CCDC91: variants seen among roughly 807,000 people sequenced by gnomAD.
CCDC91 encodes the protein coiled-coil domain-containing protein 91.
A neutral mutation model predicts 63.2 loss-of-function variants in CCDC91; 48 were observed. That is an observed-to-expected ratio of 0.76 (90% CI 0.60 to 0.97). CCDC91 has a LOEUF of 0.97. Ranked by LOEUF, CCDC91 falls within the 50% of genes least tolerant of loss-of-function variation. CCDC91 has a pLI of 0.00. For synonymous variants in CCDC91, 167 were observed against 165.8 expected, an observed-to-expected ratio of 1.01 and a Z score of -0.06; for missense variants, 500 against 494.6, an observed-to-expected ratio of 1.01 and a Z score of -0.10.
At chr12:28,226,654 T>C (rs1389766890) in intron 1 of CCDC91, among the ~76,000 whole-genome samples, 2 of 152,196 alleles carry the variant, frequency 1.3e-5, no homozygotes, top group African/African-American at 2.4e-5. Flanking sequence ...ATTGTACATT[T>C]GTTTAAATGA....
In CCDC91 at chr12:28,222,795, G is replaced by A. The variant is rs546551746; in HGVS notation, c.-15+32154G>A. Among the ~76,000 whole-genome samples, 4 of 152,050 alleles carry A rather than the reference G, an allele frequency of 2.6e-5. No individual in the cohort carries two copies. In the South Asian group the frequency reaches 8.3e-4, roughly 32 times the overall value. The stretch of plus-strand genomic sequence containing the variant: ...CATCCTTGGCATTATTATCCTTTTC[G>A]TTGTGTTGGAACTATATAAGATAGC... On this transcript the variant is annotated intron_variant, in intron 1 of 12. Transcript: ENST00000536442.
chr12:28,338,438 T>G (rs1406452484), intron 6 of CCDC91, among the ~76,000 whole-genome samples: 2 of 151,864 alleles, frequency 1.3e-5, no homozygotes, highest in Non-Finnish European at 2.9e-5. Flanking sequence ...AGTGTGTGTG[T>G]GGGTAGAGAA....
At chr12:28,337,579 T>C (rs927933989) in intron 6 of CCDC91, among the ~76,000 whole-genome samples, 1 of 152,016 alleles carries the variant, frequency 6.6e-6, no homozygotes, top group Non-Finnish European at 1.5e-5. Context: ...GGAATTATCA[T>C]AGGATGGAAA....
intron 8 of CCDC91, among the ~76,000 whole-genome samples, chr12:28,439,660 A>T (rs1008967330): frequency 1.3e-5 from 2 of 151,906 alleles, no homozygotes; most frequent in African/African-American, 4.8e-5. Flanking sequence ...TGTGATTGTG[A>T]TTAAATTTGT....
intron 1 of CCDC91, among the ~76,000 whole-genome samples, chr12:28,245,420 A>G (rs1945663730): frequency 6.6e-6 from 1 of 152,182 alleles, no homozygotes; most frequent in Admixed American, 6.5e-5. Context: ...CTTGTAGTAA[A>G]TAAAGGTATA....
chr12:28,241,682 G>A (rs1458910794), intron 1 of CCDC91, among the ~76,000 whole-genome samples: 1 of 152,064 alleles, frequency 6.6e-6, no homozygotes, highest in East Asian at 1.9e-4. Flanking sequence ...CATGTTACTA[G>A]AAGAGGAATT....
At chr12:28,494,719 T>C (rs1952189363) in intron 12 of CCDC91, among the ~76,000 whole-genome samples, 1 of 151,736 alleles carries the variant, frequency 6.6e-6, no homozygotes, top group Non-Finnish European at 1.5e-5. Context: ...ATTGTACCTG[T>C]CATATAAACA....
intron 7 of CCDC91, among the ~76,000 whole-genome samples, chr12:28,390,713 G>T (rs1342800469): frequency 6.6e-6 from 1 of 152,022 alleles, no homozygotes; most frequent in Non-Finnish European, 1.5e-5. Flanking sequence ...TGAGACTCTT[G>T]ACTTACCTAC....
intron 12 of CCDC91, among the ~76,000 whole-genome samples, chr12:28,485,705 C>G: frequency 6.6e-6 from 1 of 152,132 alleles, no homozygotes; most frequent in East Asian, 1.9e-4. Flanking sequence ...CTGATAGATG[C>G]CTAACCTTCT....
At chr12:28,203,761 A>G (rs1292913616) in intron 1 of CCDC91, among the ~76,000 whole-genome samples, 3 of 152,244 alleles carry the variant, frequency 2.0e-5, no homozygotes, top group Non-Finnish European at 4.4e-5. Flanking sequence ...GCAGACATAG[A>G]ACATTATTAG....
chr12:28,519,885 CA>C (rs1940415028), intron 12 of CCDC91, among the ~76,000 whole-genome samples: 1 of 152,024 alleles, frequency 6.6e-6, no homozygotes, highest in Admixed American at 6.6e-5. Flanking sequence ...CATGTCCCAA[CA>C]AAGGACATGA....
chr12:28,343,316 G>T (rs958145292), intron 6 of CCDC91, among the ~76,000 whole-genome samples: 1 of 151,720 alleles, frequency 6.6e-6, no homozygotes, highest in East Asian at 1.9e-4. Context: ...ATATGTGCAA[G>T]CACACATATT....
intron 8 of CCDC91, among the ~76,000 whole-genome samples, chr12:28,394,275 G>T (rs530066220): frequency 6.6e-6 from 1 of 152,190 alleles, no homozygotes; most frequent in African/African-American, 2.4e-5. Context: ...GACCATCCTG[G>T]CTAACAGGGT....
rs185746095 is a variant in CCDC91, at chr12:28,245,076, T to C, written c.-14-12126T>C. ...TTTGAGACATCTTTAGGGGTATTTA[T>C]AGAATGTTATCAGTAGTCCTTTTAG... On this transcript the variant is annotated intron_variant, in intron 1 of 12. Transcript: ENST00000536442. 3.0e-4 allele frequency among the ~76,000 whole-genome samples: 45 copies of C among 152,242 alleles called. No homozygotes were observed. The East Asian group carries it at 8.7e-3, about 29-fold the overall frequency.
chr12:28,306,881 A>C lies in CCDC91; in HGVS notation c.407A>C (p.Gln136Pro). ...GANVSNIQLQ[Q>P]KISSLEIKLK... The stretch of plus-strand genomic sequence containing the variant: ...AATGTATCTAACATACAGCTTCAGC[A>C]AAAAATTTCAAGTCTGGAGATTAAA... The change falls in exon 5 of 13, where the codon CAA becomes CCA. Residue 136 changes from glutamine (Q) to proline (P), a missense_variant. Transcript: ENST00000536442. The C allele has an allele frequency of 6.2e-7, 1 of 1,612,246 alleles. No homozygotes were observed. Among genetic ancestry groups the C allele is most frequent in the Non-Finnish European group, 8.5e-7 (1 of 1,178,728 alleles).
At position 28,208,781 on chromosome 12, in the gene CCDC91, A is replaced by G. The variant is rs1324853387; in HGVS notation, c.-15+18140A>G. Among the ~76,000 whole-genome samples the G allele has an allele frequency of 5.3e-5, 8 of 152,194 alleles. No individual in the cohort carries two copies. In the East Asian group the frequency reaches 1.5e-3, roughly 29 times the overall value. ...TTTTTGGTAGTTTATTCAAAAGGCA[A>G]AGAAAATCTTTCATTATTTTATTTT... On this transcript the variant is annotated intron_variant, in intron 1 of 12. Coordinates refer to ENST00000536442, the MANE Select transcript of CCDC91 (RefSeq NM_018318.5).
intron 7 of CCDC91, among the ~76,000 whole-genome samples, chr12:28,379,969 T>A (rs533417411): frequency 2.1e-4 from 32 of 152,248 alleles, no homozygotes; most frequent in African/African-American, 6.3e-4. Flanking sequence ...ATGTGGCACA[T>A]ATACACAATG....
intron 8 of CCDC91, among the ~76,000 whole-genome samples, chr12:28,411,804 C>A (rs1392254986): frequency 6.6e-6 from 1 of 152,054 alleles, no homozygotes; most frequent in Non-Finnish European, 1.5e-5. Flanking sequence ...AAAAAAGAAA[C>A]CAAGCAAACC....
chr12:28,273,475 A>G (rs1214740398), intron 3 of CCDC91, among the ~76,000 whole-genome samples: 15 of 152,132 alleles, frequency 9.9e-5, no homozygotes, highest in African/African-American at 3.4e-4. Flanking sequence ...AAGTGTTCCT[A>G]TTTCTCCACA....
Sources: gnomAD v4.1 joint callset for allele counts (sites outside exome capture counted in the v4.1 genomes callset) on GRCh38, gnomAD v4.1.1 for gene constraint, MANE v1.5 for transcripts, NCBI Gene and HGNC (gene_info 2026-07-23, HGNC 2026-07-21) for gene names.